DHRS12: variants seen among roughly 807,000 people sequenced by gnomAD.
The protein encoded by DHRS12 is dehydrogenase/reductase SDR family member 12.
In DHRS12, 29 loss-of-function variants were observed where a neutral mutation model predicts 32.1. That is an observed-to-expected ratio of 0.90 (90% CI 0.67 to 1.23). The LOEUF is 1.23. DHRS12 is among the 50% of genes most tolerant of loss of function. DHRS12 has a pLI of 0.00. For missense variants in DHRS12, 330 were observed against 337.2 expected (o/e 0.98, Z 0.17); for synonymous variants, 150 against 135.9 (o/e 1.10, Z -0.72).
chr13:51,763,007 G>A (rs138440166), downstream of DHRS12: 4 of 152,262 alleles, frequency 2.6e-5, no homozygotes, highest in South Asian at 2.1e-4. Context: ...CCACCATAAC[G>A]TGTTTCTCAT....
intron 2 of DHRS12, among the ~76,000 whole-genome samples, chr13:51,795,013 C>T (rs1457453479): frequency 6.6e-6 from 1 of 152,108 alleles, no homozygotes; most frequent in African/African-American, 2.4e-5. Flanking sequence ...CCACACATAA[C>T]CTCTCTGAAA....
At chr13:51,802,637 G>A (rs890464162) in intron 1 of DHRS12, among the ~76,000 whole-genome samples, 4 of 152,200 alleles carry the variant, frequency 2.6e-5, no homozygotes, top group Admixed American at 2.0e-4. Context: ...CCTGCCTTAG[G>A]AGCCCAATAT....
chr13:51,762,681 T>A, the DHRS12 span: 2 of 152,242 alleles, frequency 1.3e-5, no homozygotes, highest in African/African-American at 4.8e-5. Flanking sequence ...TTGGCTCTTG[T>A]TCTGTCTAGG....
intron 8 of DHRS12, 115 bp downstream of exon 8, chr13:51,769,040 CA>C: frequency 6.8e-7 from 1 of 1,467,914 alleles, no homozygotes; most frequent in South Asian, 1.4e-5. Flanking sequence ...GAAGCCCAGG[CA>C]CCCCCCAGGG....
intron 3 of DHRS12, 49 bp from the exon 4 acceptor site, chr13:51,790,141 G>T: frequency 6.7e-7 from 1 of 1,483,220 alleles, no homozygotes; most frequent in South Asian, 1.3e-5. Flanking sequence ...AGGGCCAAAA[G>T]ACCTATTTCC....
Position 51,768,188 on chromosome 13 carries a change from T to C in DHRS12, c.806A>G (p.Ter269TrpextTer24), listed in dbSNP as rs1953836909. ...ILEQLAQTFK[*>W] ...GTACCGCACTGTGTCTGGGTTGGCC[T>C]ATTTAAATGTCTGAGCCAGCTGTTC... Residue 269 changes from the stop codon to tryptophan (W), a stop_lost, in exon 9 of 9, where the codon TAG becomes TGG. Coordinates refer to ENST00000444610, the MANE Select transcript of DHRS12 (RefSeq NM_001377533.1). 1 of 1,536,162 alleles carries C rather than the reference T, an allele frequency of 6.5e-7. No individual in the cohort carries two copies. Among genetic ancestry groups the C allele is most frequent in the Non-Finnish European group, 8.7e-7 (1 of 1,146,902 alleles).
chr13:51,781,554 C>G (rs1296540183), intron 4 of DHRS12, among the ~76,000 whole-genome samples: 1 of 151,942 alleles, frequency 6.6e-6, no homozygotes, highest in Non-Finnish European at 1.5e-5. Flanking sequence ...GGTGGGACGG[C>G]GGGGGAGGTG....
At chr13:51,797,688 G>T in intron 2 of DHRS12, 1 of 848,220 alleles carries the variant, frequency 1.2e-6, no homozygotes, top group Non-Finnish European at 1.8e-6. Flanking sequence ...CCAGCTCCCT[G>T]CTGGCCGAGG....
At chr13:51,797,504 G>A (rs933758833) in intron 2 of DHRS12, among the ~76,000 whole-genome samples, 5 of 152,222 alleles carry the variant, frequency 3.3e-5, no homozygotes, top group Non-Finnish European at 5.9e-5. Context: ...CCCTTGCTGT[G>A]TGTTGCTGAT....
At chr13:51,797,849 T>G in intron 2 of DHRS12, 1 of 1,535,542 alleles carries the variant, frequency 6.5e-7, no homozygotes, top group African/African-American at 1.4e-5. Flanking sequence ...TCCCGGATGA[T>G]CTCACCCCTG....
At chr13:51,803,089 C>A (rs1417091653) in intron 1 of DHRS12, among the ~76,000 whole-genome samples, 2 of 152,230 alleles carry the variant, frequency 1.3e-5, no homozygotes, top group Non-Finnish European at 2.9e-5. Flanking sequence ...GACTACACTC[C>A]CCACCATTCT....
In DHRS12 at chr13:51,777,209, C is replaced by T. The variant is rs766247072; in HGVS notation, c.302-88G>A. The T allele has an allele frequency of 2.0e-5, 29 of 1,481,092 alleles. No individual in the cohort carries two copies. The Admixed American group carries it at 2.1e-4, about 10-fold the overall frequency. 91.7% of individuals were successfully genotyped at this position (1,481,092 alleles called of 1,614,324 possible). A position where few individuals can be genotyped will look rare whatever the true frequency, so the allele number is the denominator to read the frequency against. The stretch of plus-strand genomic sequence containing the variant: ...AGGACTGATGTGGGGACTGTCTGCC[C>T]GCACCCGCCCCCCACAAGAGGGCAA... On this transcript the variant is annotated intron_variant, in intron 4 of 8. Transcript: ENST00000444610.
intron 1 of DHRS12, among the ~76,000 whole-genome samples, chr13:51,801,210 A>G (rs542724084): frequency 6.6e-6 from 1 of 152,306 alleles, no homozygotes; most frequent in East Asian, 1.9e-4. Context: ...TTTTTGAGAC[A>G]GAGTCCCACC....
Position 51,792,898 on chromosome 13 carries a change from TG to T in DHRS12, c.127-1642del, listed in dbSNP as rs139682519. Among the ~76,000 whole-genome samples, 904 of 152,272 alleles carry T rather than the reference TG, an allele frequency of 5.9e-3. 3 individuals are homozygous for T. The highest frequency in any genetic ancestry group is 0.019 in the South Asian group (91 of 4,822). ...AATGACTACATAATTTACCTTTGCA[TG>T]GATATGTCAGGGTTTCCTGCTGCTG... On this transcript the variant is annotated intron_variant, in intron 2 of 8. Transcript: ENST00000444610.
intron 1 of DHRS12, among the ~76,000 whole-genome samples, chr13:51,801,333 C>T (rs2139448789): frequency 6.6e-6 from 1 of 152,242 alleles, no homozygotes; most frequent in East Asian, 1.9e-4. Context: ...GTTATAAGCG[C>T]CCGTCACCAC....
intron 6 of DHRS12, among the ~76,000 whole-genome samples, chr13:51,773,702 G>GT (rs1566277796): frequency 3.9e-5 from 6 of 152,104 alleles, no homozygotes; most frequent in Non-Finnish European, 8.8e-5. Flanking sequence ...AACACCGAGA[G>GT]GAGACGCAGT....
the DHRS12 span, chr13:51,761,076 C>G: frequency 1.3e-5 from 2 of 152,218 alleles, no homozygotes; most frequent in African/African-American, 4.8e-5. Flanking sequence ...GTATTCTATC[C>G]CTTTAAAAAC....
At chr13:51,803,957 G>T (rs1955876617) in intron 1 of DHRS12, 97 bp downstream of exon 1, 1 of 1,169,218 alleles carries the variant, frequency 8.6e-7, no homozygotes, top group East Asian at 3.3e-5. Flanking sequence ...GCGAGAGGGC[G>T]AAGGAGCCGC....
chr13:51,804,008 G>A (rs545729042), intron 1 of DHRS12, 46 bp downstream of exon 1: 4 of 1,436,572 alleles, frequency 2.8e-6, no homozygotes, highest in African/African-American at 3.0e-5. Context: ...CGCCGAGGCG[G>A]GCCACGTGAC....
Sources: allele counts gnomAD v4.1 joint callset (sites outside exome capture counted in the v4.1 genomes callset), GRCh38; gene constraint gnomAD v4.1.1; transcripts MANE v1.5; gene names NCBI Gene and HGNC (gene_info 2026-07-23, HGNC 2026-07-21).